Variants in DPP6 observed in about 807,000 individuals in gnomAD.
The protein encoded by DPP6 is dipeptidyl peptidase like 6.
Under a neutral mutation model 122.6 loss-of-function variants are expected in DPP6, and 69 were observed. The ratio of observed to expected loss-of-function variants is 0.56; its 90% CI spans 0.46 to 0.69. The LOEUF (loss-of-function observed/expected upper bound fraction) is 0.69, where lower values mean the gene tolerates loss of function less well. DPP6 is among the 30% of genes least tolerant of loss of function. The probability of loss-of-function intolerance (pLI) is 0.00; values close to 1 mark genes in which losing one functional copy is unlikely to be tolerated. For missense variants in DPP6, 928 were observed against 1,116.9 expected (o/e 0.83, Z 2.41); for synonymous variants, 418 against 433.1 (o/e 0.97, Z 0.43).
intron 6 of DPP6, among the ~76,000 whole-genome samples, chr7:154,644,865 T>A (rs1270115964): frequency 6.6e-6 from 1 of 151,910 alleles, no homozygotes; most frequent in East Asian, 1.9e-4. Flanking sequence ...CACACCGCCA[T>A]GCCTGGCTAA....
intron 1 of DPP6, among the ~76,000 whole-genome samples, chr7:154,234,728 C>A (rs965042795): frequency 2.6e-5 from 4 of 152,174 alleles, no homozygotes; most frequent in African/African-American, 9.7e-5. Context: ...GAAATGAGCT[C>A]ATCTGGACTT....
chr7:154,194,742 T>G (rs1798781041), intron 1 of DPP6, among the ~76,000 whole-genome samples: 1 of 152,220 alleles, frequency 6.6e-6, no homozygotes, highest in Non-Finnish European at 1.5e-5. Context: ...GTTGAAAAGT[T>G]TTTCGTGGAC....
intron 1 of DPP6, chr7:154,059,492 G>A (rs1431001357): frequency 6.6e-6 from 1 of 151,178 alleles, no homozygotes; most frequent in Non-Finnish European, 1.5e-5. Flanking sequence ...AAGAAAGCAG[G>A]TTATTTGCAA....
At chr7:154,297,558 A>T (rs932185467) in intron 1 of DPP6, among the ~76,000 whole-genome samples, 12 of 152,220 alleles carry the variant, frequency 7.9e-5, no homozygotes, top group Non-Finnish European at 1.3e-4. Context: ...AATGGATAGG[A>T]GTAATATGAA....
chr7:153,949,254 T>C (rs1471444175), intron 1 of DPP6, among the ~76,000 whole-genome samples: 1 of 152,186 alleles, frequency 6.6e-6, no homozygotes, highest in Non-Finnish European at 1.5e-5. Flanking sequence ...GATCCTTTAC[T>C]CTGAGAAGGA....
chr7:154,853,011 G>T (rs1178997122), intron 16 of DPP6, among the ~76,000 whole-genome samples: 1 of 152,246 alleles, frequency 6.6e-6, no homozygotes, highest in African/African-American at 2.4e-5. Context: ...GCTAGCTGGA[G>T]CCGGTGAGTG....
In DPP6 at chr7:154,863,833, A is replaced by G. The variant is rs554888631; in HGVS notation, c.1715-4162A>G. Among the ~76,000 whole-genome samples, 13 of 152,174 alleles carry G rather than the reference A, an allele frequency of 8.5e-5. No individual in the cohort carries two copies. The highest frequency in any genetic ancestry group is 3.1e-4 in the African/African-American group (13 of 41,522). ...CAAAAAACAAAAATGGAGCTCAGAG[A>G]AAAGAGATTTCCAGTTAAGGTGAGT... On this transcript the variant is annotated intron_variant, in intron 17 of 25. Transcript: ENST00000377770. This position sits in a 1 kb window ranked among gnomAD's most constrained non-coding sequence, Gnocchi z 4.1.
chr7:153,964,939 T>TTTCA (rs1491490280), intron 1 of DPP6, among the ~76,000 whole-genome samples: 11 of 110,786 alleles, frequency 9.9e-5, no homozygotes, highest in Non-Finnish European at 1.4e-4. Context: ...TCTTTCTTTC[T>TTTCA]TTTTCTTTCT....
chr7:153,890,797 T>C (rs1321873861), intron 1 of DPP6, among the ~76,000 whole-genome samples: 1 of 144,692 alleles, frequency 6.9e-6, no homozygotes, highest in East Asian at 2.1e-4. Context: ...TTCAAGCCAT[T>C]CTCCTGCCTC....
In DPP6 at chr7:154,137,655, G is replaced by GGAT. The variant is rs1563237071; in HGVS notation, c.243+84593_243+84594insATG. On this transcript the variant is annotated intron_variant, in intron 1 of 25. Coordinates refer to ENST00000377770, the MANE Select transcript of DPP6 (RefSeq NM_130797.4). ...GGAGGAGATGGTGGGGGGGGTGGGG[G>GGAT]GGTGGGGGGGGTGGGGCGAGCTAAT... Among the ~76,000 whole-genome samples, 5 of 46,628 alleles carry GGAT rather than the reference G, an allele frequency of 1.1e-4. No individual in the cohort carries two copies. In the East Asian group the frequency reaches 4.7e-3, roughly 43 times the overall value. 30.6% of individuals were successfully genotyped at this position (46,628 alleles called of 152,430 possible). A position where few individuals can be genotyped will look rare whatever the true frequency, so the allele number is the denominator to read the frequency against.
chr7:154,664,249 G>A (rs1372320865), intron 6 of DPP6, among the ~76,000 whole-genome samples: 1 of 152,100 alleles, frequency 6.6e-6, no homozygotes, highest in Non-Finnish European at 1.5e-5. Flanking sequence ...ACGCGATCAT[G>A]GTGAATCACC....
In DPP6 at chr7:154,824,044, A is replaced by G. The variant is rs1030709276; in HGVS notation, c.1666+16932A>G. Among the ~76,000 whole-genome samples, 7 of 152,220 alleles carry G rather than the reference A, an allele frequency of 4.6e-5. No individual in the cohort carries two copies. In the South Asian group the frequency reaches 8.3e-4, roughly 18 times the overall value. On this transcript the variant is annotated intron_variant, in intron 16 of 25. Coordinates refer to ENST00000377770, the MANE Select transcript of DPP6 (RefSeq NM_130797.4). ...AAAGTTGATCTTTGTCAGTCCCTCA[A>G]GACAAAGTCAATTCCATTCTTCTCC...
intron 1 of DPP6, among the ~76,000 whole-genome samples, chr7:153,988,190 G>A (rs1402593863): frequency 6.6e-6 from 1 of 152,154 alleles, no homozygotes; most frequent in East Asian, 1.9e-4. Flanking sequence ...GGCGTCGAGG[G>A]TGATGCATCA....
intron 1 of DPP6, among the ~76,000 whole-genome samples, chr7:153,928,217 CTTT>C (rs562514728): frequency 1.4e-5 from 2 of 141,266 alleles, no homozygotes; most frequent in African/African-American, 2.6e-5. Flanking sequence ...TTCTTTTTTT[CTTT>C]TTTTTTTTTG....
intron 3 of DPP6, among the ~76,000 whole-genome samples, chr7:154,515,792 A>G (rs1826446576): frequency 6.6e-6 from 1 of 152,090 alleles, no homozygotes; most frequent in Admixed American, 6.6e-5. Flanking sequence ...TATGAGTAAA[A>G]TGAATAAGCT....
At chr7:154,719,504 G>A (rs540316853) in intron 7 of DPP6, among the ~76,000 whole-genome samples, 9 of 152,198 alleles carry the variant, frequency 5.9e-5, no homozygotes. Context: ...GAAATCTGGG[G>A]TGTCAAGTAT....
chr7:153,825,565 T>TGTTTC, the DPP6 span, among the ~76,000 whole-genome samples: 1 of 151,734 alleles, frequency 6.6e-6, no homozygotes, highest in Non-Finnish European at 1.5e-5. Flanking sequence ...TGTTTTGTTT[T>TGTTTC]CTTTTCTTTA....
rs377519589 is a variant in DPP6, at chr7:154,885,772, G to A, written c.2245+28G>A. ...AAATAGCCCTGCAGGACCAAGCGAC[G>A]GGCTCTGCTCCCGCCCCGCCCCGCC... On this transcript the variant is annotated intron_variant, in intron 22 of 25. Transcript: ENST00000377770. The A allele has an allele frequency of 1.3e-5, 20 of 1,559,416 alleles. 2 individuals carry two copies. Among genetic ancestry groups the A allele is most frequent in the Middle Eastern group, 1.7e-4 (1 of 5,830 alleles).
intron 1 of DPP6, among the ~76,000 whole-genome samples, chr7:154,112,584 G>A (rs975969725): frequency 6.6e-6 from 1 of 151,940 alleles, no homozygotes; most frequent in Non-Finnish European, 1.5e-5. Context: ...GGCAGAGGTT[G>A]CAGTGAACTG....
Sources: gnomAD v4.1 joint callset for allele counts (sites outside exome capture counted in the v4.1 genomes callset) on GRCh38, gnomAD v4.1.1 for gene constraint, Gnocchi (gnomAD v3.1) non-coding constraint, MANE v1.5 for transcripts, NCBI Gene and HGNC (gene_info 2026-07-23, HGNC 2026-07-21) for gene names.